ATL2: variants seen among roughly 807,000 people sequenced by gnomAD.
ATL2 encodes the protein atlastin GTPase 2.
A neutral mutation model predicts 73.9 loss-of-function variants in ATL2; 31 were observed. That is an observed-to-expected ratio of 0.42 (90% CI 0.32 to 0.57). The LOEUF (loss-of-function observed/expected upper bound fraction) is 0.57, where lower values mean the gene tolerates loss of function less well. ATL2 is among the 20% of genes least tolerant of loss of function. The pLI is 0.14. For missense variants in ATL2, 738 were observed against 702.6 expected (o/e 1.05, Z -0.57); for synonymous variants, 291 against 237.5 (o/e 1.23, Z -2.07).
Position 38,298,156 on chromosome 2 carries a change from T to C in ATL2, c.1620A>G (p.Thr540=). 1 of 1,612,178 alleles carries C rather than the reference T, an allele frequency of 6.2e-7. No individual in the cohort carries two copies. Among genetic ancestry groups the C allele is most frequent in the Non-Finnish European group, 8.5e-7 (1 of 1,178,944 alleles). The change falls in exon 12 of 13, where the codon ACA becomes ACG. Residue 540 remains threonine, a synonymous_variant. Coordinates refer to ENST00000378954, the MANE Select transcript of ATL2 (RefSeq NM_001135673.4). ...GATAGATACCAACCTGTTCCCATAG[T>C]GTTTCAGCAATCTGATCAATCACTG... ...IGTVIDQIAE[T]LWEQVLKPLG...
chr2:38,330,816 G>C (rs1258461135), intron 2 of ATL2, among the ~76,000 whole-genome samples: 1 of 152,190 alleles, frequency 6.6e-6, no homozygotes, highest in Non-Finnish European at 1.5e-5. Flanking sequence ...TGATCTTTCA[G>C]ATTCAACCAA....
intron 1 of ATL2, among the ~76,000 whole-genome samples, chr2:38,369,908 T>G (rs1000649707): frequency 8.6e-5 from 13 of 151,232 alleles, no homozygotes; most frequent in African/African-American, 2.9e-4. Flanking sequence ...TCCCAGCACT[T>G]TGGGAAGCCG....
chr2:38,314,490 G>C (rs1461483517), intron 6 of ATL2, 118 bp downstream of exon 6: 13 of 656,082 alleles, frequency 2.0e-5, no homozygotes, highest in Non-Finnish European at 3.5e-5. Context: ...CGATTGCACT[G>C]AATCTGTTGC....
intron 2 of ATL2, among the ~76,000 whole-genome samples, chr2:38,324,743 T>C (rs757456566): frequency 6.6e-6 from 1 of 152,192 alleles, no homozygotes; most frequent in African/African-American, 2.4e-5. Flanking sequence ...TCAAAAGGTG[T>C]CTTTGACCTT....
intron 1 of ATL2, among the ~76,000 whole-genome samples, chr2:38,374,195 T>A (rs1223588056): frequency 6.6e-6 from 1 of 152,174 alleles, no homozygotes; most frequent in East Asian, 1.9e-4. Flanking sequence ...CTCAGCCTGC[T>A]ATCCATTTTT....
In ATL2 at chr2:38,343,527, G is replaced by C. The variant is rs1172083364; in HGVS notation, c.119-15C>G. 1 of 1,596,020 alleles carries C rather than the reference G, an allele frequency of 6.3e-7. No individual in the cohort carries two copies. The highest frequency in any genetic ancestry group is 1.8e-5 in the Admixed American group (1 of 55,932). ...ATAATTCTCACCTAGAATTTAAAAA[G>C]AAAGAAACTGGTTACTTTAATCCCT... On this transcript the variant is annotated splice_polypyrimidine_tract_variant and intron_variant, in intron 1 of 12. Coordinates refer to ENST00000378954, the MANE Select transcript of ATL2 (RefSeq NM_001135673.4).
At chr2:38,363,475 C>T (rs1558454614) in intron 1 of ATL2, among the ~76,000 whole-genome samples, 1 of 151,922 alleles carries the variant, frequency 6.6e-6, no homozygotes, top group Non-Finnish European at 1.5e-5. Context: ...AAATCATTTA[C>T]ACAGTCTCCC....
intron 9 of ATL2, among the ~76,000 whole-genome samples, chr2:38,309,108 T>C (rs1423627034): frequency 1.3e-5 from 2 of 152,152 alleles, no homozygotes; most frequent in Non-Finnish European, 2.9e-5. Flanking sequence ...TATTAGAGTA[T>C]GATGAATGGC....
intron 2 of ATL2, 72 bp from the exon 3 acceptor site, chr2:38,319,091 C>CT: frequency 6.7e-7 from 1 of 1,488,822 alleles, no homozygotes; most frequent in South Asian, 1.2e-5. Flanking sequence ...ATCACCCATT[C>CT]TTTATTTTAC....
At position 38,315,308 on chromosome 2, in the gene ATL2, T is replaced by C. The variant is rs138244399; in HGVS notation, c.630A>G (p.Gln210=). The change falls in exon 5 of 13, where the codon CAA becomes CAG. Residue 210 remains glutamine, a synonymous_variant. Coordinates refer to ENST00000378954, the MANE Select transcript of ATL2 (RefSeq NM_001135673.4). The stretch of plus-strand genomic sequence containing the variant: ...CTTGCAAATGTTGAAGATCATCTTC[T>C]TGAATATTCTGAGACAGATTATATA... The part of the protein sequence containing the change: ...VQVYNLSQNI[Q]EDDLQHLQLF... The C allele has an allele frequency of 1.3e-4, 201 of 1,493,206 alleles. No homozygotes were observed. The highest frequency in any genetic ancestry group is 1.7e-4 in the Non-Finnish European group (192 of 1,131,384). The allele number at this position is 1,493,206 out of a possible 1,614,324, so 92.5% of individuals were successfully genotyped here.
At chr2:38,341,463 C>A (rs375297885) in intron 2 of ATL2, among the ~76,000 whole-genome samples, 1 of 151,976 alleles carries the variant, frequency 6.6e-6, no homozygotes, top group African/African-American at 2.4e-5. Context: ...ATAGTGAGAA[C>A]CCCATCTTTA....
intron 1 of ATL2, among the ~76,000 whole-genome samples, chr2:38,367,693 C>T (rs147040708): frequency 0.042 from 5,963 of 142,640 alleles, 404 homozygotes; most frequent in African/African-American, 0.14. Flanking sequence ...AGTGCAATGG[C>T]GCGATCTCGG....
At chr2:38,350,017 T>C (rs549961262) in intron 1 of ATL2, among the ~76,000 whole-genome samples, 108 of 152,248 alleles carry the variant, frequency 7.1e-4, no homozygotes, top group African/African-American at 2.5e-3. Flanking sequence ...TATAAGCAAA[T>C]GAATAAAAGA....
intron 1 of ATL2, among the ~76,000 whole-genome samples, chr2:38,369,094 A>C (rs1208391407): frequency 2.0e-5 from 3 of 152,194 alleles, no homozygotes; most frequent in African/African-American, 4.8e-5. Flanking sequence ...AACAAGCACA[A>C]ACCTAACCCT....
intron 9 of ATL2, among the ~76,000 whole-genome samples, chr2:38,301,546 G>A (rs1450844467): frequency 6.6e-6 from 1 of 152,190 alleles, no homozygotes; most frequent in Non-Finnish European, 1.5e-5. Flanking sequence ...GCAACCACAT[G>A]GTGTGGAGAG....
At chr2:38,367,109 C>T (rs193184896) in intron 1 of ATL2, among the ~76,000 whole-genome samples, 8 of 152,022 alleles carry the variant, frequency 5.3e-5, no homozygotes, top group Admixed American at 2.6e-4. Context: ...CACGAGCCAC[C>T]GCACACAGCC....
In ATL2 at chr2:38,318,996, T is replaced by A; in HGVS notation, c.387A>T (p.Gly129=). The change falls in exon 3 of 13, where the codon GGA becomes GGT. Residue 129 remains glycine (G), a synonymous_variant. Transcript: ENST00000378954. ...YNKDSQSWIG[G]NNEPLTGFTW... is the part of the protein sequence containing the mutation. ...TAAAGCCTGTCAATGGTTCATTGTT[T>A]CCACCAATCCAACTTTGAGAATCCT... is the stretch of plus-strand genomic sequence containing the variant. The A allele has an allele frequency of 8.1e-6, 13 of 1,613,470 alleles. No homozygotes were observed. The highest frequency in any genetic ancestry group is 1.1e-5 in the Non-Finnish European group (13 of 1,179,824).
chr2:38,354,486 G>A (rs1210399136), intron 1 of ATL2, among the ~76,000 whole-genome samples: 2 of 152,188 alleles, frequency 1.3e-5, no homozygotes, highest in African/African-American at 4.8e-5. Flanking sequence ...TTTTAAAGTG[G>A]AAAGTGGTAA....
intron 2 of ATL2, among the ~76,000 whole-genome samples, chr2:38,337,485 C>CAA (rs1669430957): frequency 1.1e-4 from 2 of 18,306 alleles, no homozygotes; most frequent in African/African-American, 1.9e-4. Flanking sequence ...GACTCTGTCT[C>CAA]CAAAAAAAAA....
Sources: gnomAD v4.1 joint callset for allele counts (sites outside exome capture counted in the v4.1 genomes callset) on GRCh38, gnomAD v4.1.1 for gene constraint, MANE v1.5 for transcripts, NCBI Gene and HGNC (gene_info 2026-07-23, HGNC 2026-07-21) for gene names.